KIF25: variants seen among roughly 807,000 people sequenced by gnomAD.
The protein encoded by KIF25 is kinesin-like protein KIF25.
Under a neutral mutation model 32.9 loss-of-function variants are expected in KIF25, and 19 were observed. The ratio of observed to expected loss-of-function variants is 0.58; its 90% CI spans 0.40 to 0.85. KIF25 has a LOEUF of 0.85. Among genes scored for constraint, KIF25 ranks in the 40% least tolerant of loss-of-function variants. KIF25 has a pLI of 0.00. For synonymous variants in KIF25, 225 were observed against 213.7 expected (o/e 1.05, Z -0.46); for missense variants, 485 against 507.0 (o/e 0.96, Z 0.42).
chr6:168,038,435 G>C (rs1030887820), intron 8 of KIF25, 118 bp from the exon 9 acceptor site: 12 of 977,620 alleles, frequency 1.2e-5, no homozygotes, highest in African/African-American at 3.2e-5. Flanking sequence ...GCAGCCCTCT[G>C]CTCGGACCCC....
intron 10 of KIF25, 42 bp downstream of exon 10, chr6:168,040,258 A>C (rs1162878139): frequency 3.8e-6 from 6 of 1,570,680 alleles, no homozygotes; most frequent in Non-Finnish European, 1.7e-6. Flanking sequence ...AGTAATAGAA[A>C]AACCCACTTA....
chr6:168,021,072 TAA>T (rs1168545856), intron 5 of KIF25, among the ~76,000 whole-genome samples: 2 of 152,216 alleles, frequency 1.3e-5, no homozygotes, highest in Admixed American at 1.3e-4. Flanking sequence ...CTACCCGATT[TAA>T]AGACTTAAAA....
intron 8 of KIF25, among the ~76,000 whole-genome samples, 186 bp downstream of exon 8, chr6:168,034,217 G>C: frequency 6.6e-6 from 1 of 152,182 alleles, no homozygotes; most frequent in Non-Finnish European, 1.5e-5. Context: ...TACCAATCCT[G>C]TGATGAAATT....
chr6:168,043,824 C>T (rs187716340), intron 12 of KIF25, among the ~76,000 whole-genome samples: 235 of 152,338 alleles, frequency 1.5e-3, no homozygotes, highest in African/African-American at 5.4e-3. Context: ...CTTCCTTCTC[C>T]ACTGTTTTTG....
intron 12 of KIF25, among the ~76,000 whole-genome samples, chr6:168,044,585 A>ACCG (rs538028780): frequency 8.0e-6 from 1 of 124,730 alleles, no homozygotes; most frequent in Non-Finnish European, 1.7e-5. Context: ...ACCCTCCCGG[A>ACCG]GGGTGAGGGG....
intron 2 of KIF25, among the ~76,000 whole-genome samples, chr6:168,000,477 A>C (rs1191454080): frequency 1.5e-4 from 8 of 53,956 alleles, no homozygotes; most frequent in Non-Finnish European, 2.2e-4. Context: ...GACCCTCCCC[A>C]CTCCCATCCT....
At chr6:168,002,376 G>A (rs2114864334) in intron 2 of KIF25, among the ~76,000 whole-genome samples, 167 bp from the exon 3 acceptor site, 1 of 152,374 alleles carries the variant, frequency 6.6e-6, no homozygotes, top group South Asian at 2.1e-4. Context: ...AGGTGAGAAA[G>A]ACAGGCAAGT....
chr6:168,001,674 C>A lies in KIF25; in HGVS notation c.-369-869C>A, dbSNP rs577506962. Among the ~76,000 whole-genome samples, 3 of 109,236 alleles carry A rather than the reference C, an allele frequency of 2.7e-5. No individual in the cohort carries two copies. The South Asian group carries it at 1.0e-3, about 38-fold the overall frequency. 71.7% of individuals were successfully genotyped at this position (109,236 alleles called of 152,430 possible). On this transcript the variant is annotated intron_variant, in intron 2 of 12. Coordinates refer to ENST00000643607, the MANE Select transcript of KIF25 (RefSeq NM_030615.4). ...GTGGCCTCGGGCAGGTGAGAAGACA[C>A]CTGAGGCGTGGCCTCGGGCAGGTGA...
intron 12 of KIF25, 101 bp downstream of exon 12, chr6:168,042,817 C>A: frequency 7.4e-7 from 1 of 1,342,920 alleles, no homozygotes; most frequent in Non-Finnish European, 1.0e-6. Context: ...ACCCATGCAC[C>A]CCCTGCACCT....
chr6:168,015,136 C>T (rs1287618308), intron 4 of KIF25, among the ~76,000 whole-genome samples: 5 of 152,124 alleles, frequency 3.3e-5, no homozygotes, highest in African/African-American at 1.2e-4. Flanking sequence ...CTTGAACCAC[C>T]ATCCACAGGA....
Position 168,031,129 on chromosome 6 carries a change from C to A in KIF25, c.167+282C>A, listed in dbSNP as rs148589257. On this transcript the variant is annotated intron_variant, in intron 7 of 12. Transcript: ENST00000643607. Reference sequence around the variant, plus strand: ...AGTTACAGTGCATGTGGGCTTAAGCCTGTGAGTGCAGCTGCCATTCTCTCT... The same window carrying A: ...AGTTACAGTGCATGTGGGCTTAAGCATGTGAGTGCAGCTGCCATTCTCTCT... Among the ~76,000 whole-genome samples, 385 of 152,268 alleles carry A rather than the reference C, an allele frequency of 2.5e-3. 1 individual carries two copies. Among genetic ancestry groups the A allele is most frequent in the Non-Finnish European group, 4.5e-3 (306 of 68,026 alleles).
At chr6:168,021,693 C>T (rs1275169236) in intron 5 of KIF25, among the ~76,000 whole-genome samples, 1 of 152,178 alleles carries the variant, frequency 6.6e-6, no homozygotes. Flanking sequence ...TGCCTGTCTC[C>T]CCTCCCTCAG....
chr6:168,018,669 AG>A (rs1182354700), intron 5 of KIF25, among the ~76,000 whole-genome samples: 1 of 152,068 alleles, frequency 6.6e-6, no homozygotes, highest in Non-Finnish European at 1.5e-5. Flanking sequence ...GTGGTAGGAG[AG>A]CCCCGGAAGG....
At chr6:168,027,826 C>T (rs1798885073) in intron 5 of KIF25, among the ~76,000 whole-genome samples, 1 of 152,238 alleles carries the variant, frequency 6.6e-6, no homozygotes, top group Non-Finnish European at 1.5e-5. Flanking sequence ...GTGCTTCTGA[C>T]ATTCGCATCT....
At chr6:168,040,617 A>G (rs544605261) in intron 10 of KIF25, among the ~76,000 whole-genome samples, 1 of 152,234 alleles carries the variant, frequency 6.6e-6, no homozygotes, top group South Asian at 2.1e-4. Flanking sequence ...TGCAGCATCC[A>G]AGGCCTCTCA....
rs73788683 is a variant in KIF25, at chr6:168,015,603, G to T, written c.-162-2370G>T. 7.4e-3 allele frequency among the ~76,000 whole-genome samples: 1,122 copies of T among 152,280 alleles called. 20 individuals carry two copies. The highest frequency in any genetic ancestry group is 0.026 in the African/African-American group (1,070 of 41,548). On this transcript the variant is annotated intron_variant, in intron 4 of 12. Transcript: ENST00000643607. ...CAGATGGGCAGTCCCATCTTGAAAA[G>T]AAGGATGCTGTCAAGAGCTTGAAAA... is the stretch of plus-strand genomic sequence containing the variant.
chr6:168,043,171 T>C (rs1799156498), intron 12 of KIF25, among the ~76,000 whole-genome samples: 1 of 152,072 alleles, frequency 6.6e-6, no homozygotes, highest in Admixed American at 6.5e-5. Flanking sequence ...GCGGCCCCTG[T>C]GTGGAGTCAT....
At chr6:168,025,422 A>C (rs1798846699) in intron 5 of KIF25, among the ~76,000 whole-genome samples, 1 of 152,096 alleles carries the variant, frequency 6.6e-6, no homozygotes, top group Non-Finnish European at 1.5e-5. Context: ...GGGGCTGGGG[A>C]CAAGGTCTTA....
At chr6:168,020,825 G>C (rs1798778369) in intron 5 of KIF25, among the ~76,000 whole-genome samples, 1 of 151,952 alleles carries the variant, frequency 6.6e-6, no homozygotes, top group Admixed American at 6.6e-5. Context: ...ATGGAAAAAG[G>C]AAAGGGATGG....
Sources: allele counts gnomAD v4.1 joint callset (sites outside exome capture counted in the v4.1 genomes callset), GRCh38; gene constraint gnomAD v4.1.1; transcripts MANE v1.5; gene names NCBI Gene and HGNC (gene_info 2026-07-23, HGNC 2026-07-21).